The following POU2F3 variants were observed in gnomAD, a reference collection of about 807,000 sequenced individuals.
The protein encoded by POU2F3 is POU class 2 homeobox 3.
POU2F3 carries 23 observed loss-of-function variants against 59.2 expected under a neutral mutation model. The ratio of observed to expected loss-of-function variants is 0.39; its 90% CI spans 0.28 to 0.55. POU2F3 has a LOEUF of 0.55. Among genes scored for constraint, POU2F3 ranks in the 20% least tolerant of loss-of-function variants. The pLI is 0.66. For missense variants in POU2F3, 473 were observed against 544.5 expected, an observed-to-expected ratio of 0.87 and a Z score of 1.31; for synonymous variants, 190 against 214.6, an observed-to-expected ratio of 0.89 and a Z score of 1.00.
chr11:120,279,481 TGGGCTTGCA>T (rs1006965547), intron 3 of POU2F3, among the ~76,000 whole-genome samples: 2 of 152,240 alleles, frequency 1.3e-5, no homozygotes, highest in African/African-American at 4.8e-5. Context: ...GTTACTTAGC[TGGGCTTGCA>T]CCAGGTTGGA....
chr11:120,306,969 T>C (rs1413694937), intron 8 of POU2F3, among the ~76,000 whole-genome samples: 1 of 152,344 alleles, frequency 6.6e-6, no homozygotes, highest in South Asian at 2.1e-4. Flanking sequence ...CCTACAGCCT[T>C]AGCTCAAACA....
intron 2 of POU2F3, among the ~76,000 whole-genome samples, chr11:120,257,854 A>G (rs980721484): frequency 2.0e-5 from 3 of 152,204 alleles, no homozygotes; most frequent in Admixed American, 6.5e-5. Flanking sequence ...GTGCAAATGA[A>G]CCATGCATTT....
rs141218146 is a variant in POU2F3 at position 120,316,810 on chromosome 11, G to A, written c.1136-419G>A. Among the ~76,000 whole-genome samples the A allele has an allele frequency of 1.2e-4, 19 of 152,252 alleles. No homozygotes were observed. In the East Asian group the frequency reaches 2.5e-3, roughly 20 times the overall value. ...CTAGAGCAGCTGGCAATCTTTCATC[G>A]TGCCCTCAAGTTCTCTTTCTCCCCT... On this transcript the variant is annotated intron_variant, in intron 11 of 12. Transcript: ENST00000543440.
chr11:120,269,969 G>A (rs982830654), intron 3 of POU2F3, among the ~76,000 whole-genome samples: 2 of 152,070 alleles, frequency 1.3e-5, no homozygotes, highest in Non-Finnish European at 2.9e-5. Context: ...AGCAGATGGC[G>A]GGAGTGGGAG....
At chr11:120,289,317 C>A (rs931828606) in intron 3 of POU2F3, among the ~76,000 whole-genome samples, 2 of 152,174 alleles carry the variant, frequency 1.3e-5, no homozygotes, top group Non-Finnish European at 2.9e-5. Context: ...GCTGTTTGGG[C>A]CTTAGGCTCA....
chr11:120,243,441 C>T (rs1025603148), intron 1 of POU2F3, among the ~76,000 whole-genome samples: 7 of 152,284 alleles, frequency 4.6e-5, no homozygotes, highest in East Asian at 1.9e-4. Context: ...GTCAAGCCAA[C>T]GCTAACTTCA....
At chr11:120,292,911 G>GT (rs752066196) in intron 3 of POU2F3, among the ~76,000 whole-genome samples, 7 of 152,360 alleles carry the variant, frequency 4.6e-5, no homozygotes, top group Non-Finnish European at 8.8e-5. Context: ...AAATGAAGGG[G>GT]TTTTTCATGC....
intron 6 of POU2F3, chr11:120,304,060 A>T (rs916752940): frequency 6.6e-6 from 1 of 152,222 alleles, no homozygotes; most frequent in Admixed American, 6.5e-5. Flanking sequence ...TTGGCTGGGC[A>T]CGGTGGCTCA....
chr11:120,246,862 A>C lies in POU2F3; in HGVS notation c.97+345A>C, dbSNP rs183650331. On this transcript the variant is annotated intron_variant, in intron 2 of 12. Transcript: ENST00000543440. Reference sequence around the variant, plus strand: ...TTCTTAGATGGGGACAAGGCCTTTTAGCCCCAGATACCTTGATAGTCCTAC... The same window carrying C: ...TTCTTAGATGGGGACAAGGCCTTTTCGCCCCAGATACCTTGATAGTCCTAC... Among the ~76,000 whole-genome samples, 341 of 152,344 alleles carry C rather than the reference A, an allele frequency of 2.2e-3. 2 individuals carry two copies. The highest frequency in any genetic ancestry group is 0.01 in the Middle Eastern group (3 of 294).
At chr11:120,263,240 C>T (rs953262686) in intron 2 of POU2F3, among the ~76,000 whole-genome samples, 24 of 152,242 alleles carry the variant, frequency 1.6e-4, no homozygotes, top group African/African-American at 5.5e-4. Context: ...TCTGCCCACC[C>T]TGGCATCCCA....
At chr11:120,302,574 TA>T in intron 6 of POU2F3, 1 of 544,004 alleles carries the variant, frequency 1.8e-6, no homozygotes, top group Non-Finnish European at 3.2e-6. Flanking sequence ...GGGCCACAGT[TA>T]GAATCCAGAG....
chr11:120,278,509 A>C (rs555707384), intron 3 of POU2F3, among the ~76,000 whole-genome samples: 3 of 152,278 alleles, frequency 2.0e-5, no homozygotes, highest in South Asian at 2.1e-4. Context: ...TAGAAATACA[A>C]CACCAGGAAA....
chr11:120,305,592 C>T (rs1941463684), intron 7 of POU2F3, 52 bp from the exon 8 acceptor site: 1 of 1,600,022 alleles, frequency 6.2e-7, no homozygotes, highest in Non-Finnish European at 8.5e-7. Context: ...TGTGGGCAAA[C>T]AAGAGGAGGA....
intron 2 of POU2F3, chr11:120,261,377 G>A (rs914597577): frequency 6.6e-6 from 1 of 152,172 alleles, no homozygotes; most frequent in East Asian, 1.9e-4. Context: ...ATGATCTCCT[G>A]CATTCCCTCC....
At chr11:120,288,733 A>G (rs1037458142) in intron 3 of POU2F3, among the ~76,000 whole-genome samples, 1 of 138,732 alleles carries the variant, frequency 7.2e-6, no homozygotes, top group African/African-American at 2.6e-5. Context: ...CGAGACAGTG[A>G]CACAAAATGT....
At chr11:120,246,306 G>A in intron 1 of POU2F3, 143 bp from the exon 2 acceptor site, 2 of 850,514 alleles carry the variant, frequency 2.4e-6, no homozygotes, top group Non-Finnish European at 3.9e-6. Flanking sequence ...TATTCTAATG[G>A]TTGTATGTTC....
At chr11:120,302,229 G>A in intron 5 of POU2F3, 57 bp from the exon 6 acceptor site, 1 of 1,474,426 alleles carries the variant, frequency 6.8e-7, no homozygotes, top group Non-Finnish European at 9.4e-7. Flanking sequence ...TAGCACATGT[G>A]TTTCAAATAG....
chr11:120,307,415 C>T (rs1941525379), intron 8 of POU2F3, 64 bp from the exon 9 acceptor site: 1 of 1,574,420 alleles, frequency 6.4e-7, no homozygotes. Context: ...GACCTCAGAT[C>T]CATGAAGGCA....
intron 2 of POU2F3, among the ~76,000 whole-genome samples, chr11:120,263,527 T>A (rs1383871328): frequency 6.6e-6 from 1 of 152,252 alleles, no homozygotes; most frequent in African/African-American, 2.4e-5. Flanking sequence ...TCCGCATCTA[T>A]CTTCTTTATT....
Sources: allele counts gnomAD v4.1 joint callset (sites outside exome capture counted in the v4.1 genomes callset), GRCh38; gene constraint gnomAD v4.1.1; transcripts MANE v1.5; gene names NCBI Gene and HGNC (gene_info 2026-07-23, HGNC 2026-07-21).